TTI1: variants seen among roughly 807,000 people sequenced by gnomAD.
TTI1 encodes the protein TELO2-interacting protein 1 homolog.
TTI1 carries 52 observed loss-of-function variants against 85.4 expected under a neutral mutation model. The ratio of observed to expected loss-of-function variants is 0.61; its 90% CI spans 0.49 to 0.77. TTI1 has a LOEUF of 0.77. Ranked by LOEUF, TTI1 falls within the 30% of genes least tolerant of loss-of-function variation. The pLI, the probability that TTI1 is intolerant of heterozygous loss-of-function variation, is 0.00. For missense variants in TTI1, 1,173 were observed against 1,296.0 expected (o/e 0.91, Z 1.46); for synonymous variants, 512 against 503.9 (o/e 1.02, Z -0.22).
chr20:38,013,622 G>A lies in TTI1; in HGVS notation c.195C>T (p.Pro65=). ...PLRFTLKTPG[P]KRERLIQSVV... is the part of the protein sequence containing the mutation. ...CACTTTGGATCAAACGCTCTCTTTT[G>A]GGACCTGGGGTCTTCAGGGTAAATC... Residue 65 remains proline (P), a synonymous_variant, in exon 2 of 8, where the codon CCC becomes CCT. Coordinates refer to ENST00000373447, the MANE Select transcript of TTI1 (RefSeq NM_001303457.2). The A allele has an allele frequency of 6.2e-7, 1 of 1,614,188 alleles. No homozygotes were observed. Among genetic ancestry groups the A allele is most frequent in the Non-Finnish European group, 8.5e-7 (1 of 1,180,024 alleles).
At position 38,013,350 on chromosome 20, in the gene TTI1, G is replaced by T. The variant is rs1176815487; in HGVS notation, c.467C>A (p.Ser156Tyr). Residue 156 changes from serine to tyrosine, a missense_variant, in exon 2 of 8, where the codon TCT becomes TAT. By Grantham distance (144) the Ser-to-Tyr change is moderately radical (BLOSUM62 -2). Transcript: ENST00000373447. ...SILPRLGFAV[S>Y]LLLGLAEQEK... ...CTGTTCTGCAAGGCCTAACAGTAAA[G>T]ATACAGCAAATCCTAAACGTGGCAG... is the stretch of plus-strand genomic sequence containing the variant. The T allele has an allele frequency of 3.1e-6, 5 of 1,614,100 alleles. No homozygotes were observed. The highest frequency in any genetic ancestry group is 4.2e-6 in the Non-Finnish European group (5 of 1,180,034).
At chr20:37,991,887 A>G (rs970230823) in intron 7 of TTI1, among the ~76,000 whole-genome samples, 1 of 152,256 alleles carries the variant, frequency 6.6e-6, no homozygotes, top group Non-Finnish European at 1.5e-5. Context: ...TTCATCCACA[A>G]GCACCCTATG....
intron 1 of TTI1, among the ~76,000 whole-genome samples, chr20:38,023,243 G>A (rs2073793294): frequency 6.6e-6 from 1 of 152,154 alleles, no homozygotes; most frequent in South Asian, 2.1e-4. Flanking sequence ...TCTCAAGCCC[G>A]CCTGACTCCA....
intron 7 of TTI1, among the ~76,000 whole-genome samples, chr20:37,991,702 T>G (rs969321774): frequency 6.6e-6 from 1 of 152,252 alleles, no homozygotes; most frequent in Non-Finnish European, 1.5e-5. Flanking sequence ...ATGAGTAACA[T>G]ACACATCATG....
At chr20:37,998,271 G>A (rs551165675) in intron 5 of TTI1, among the ~76,000 whole-genome samples, 2 of 151,746 alleles carry the variant, frequency 1.3e-5, no homozygotes, top group African/African-American at 4.8e-5. Flanking sequence ...ACACACACAC[G>A]TATCATTTTG....
At position 38,013,524 on chromosome 20, in the gene TTI1, G is replaced by A. The variant is rs1600640738; in HGVS notation, c.293C>T (p.Ser98Leu). The change falls in exon 2 of 8, where the codon TCA becomes TTA. Residue 98 changes from serine to leucine, a missense_variant. By Grantham distance (145) the Ser-to-Leu change is moderately radical. Transcript: ENST00000373447. ...TGAATACAGACAAGCAGAGAGTTCTGAAAAGAGTTCCTGGAGAAGCTCCTG... is the reference window on the plus strand; with the variant it reads ...TGAATACAGACAAGCAGAGAGTTCTAAAAAGAGTTCCTGGAGAAGCTCCTG... ...KEQELLQELF[S>L]ELSACLYSPS... 1.9e-6 allele frequency: 3 copies of A among 1,614,136 alleles called. No homozygotes were observed. The highest frequency in any genetic ancestry group is 2.2e-5 in the South Asian group (2 of 91,086).
intron 1 of TTI1, among the ~76,000 whole-genome samples, chr20:38,017,404 T>TTGTGTGTGTGTGTGTGTGTG (rs66542554): frequency 1.6e-4 from 24 of 146,238 alleles, no homozygotes; most frequent in South Asian, 6.6e-4. Context: ...AATCAATAGC[T>TTGTGTGTGTGTGTGTGTGTG]TGTGTGTGTG....
chr20:37,987,970 G>A lies in TTI1; in HGVS notation c.3087-4331C>T, dbSNP rs538875639. ...GTGGGAATGGGGAGGGAGGAAACGT[G>A]CTCCTGGAATCTGGTCAGCTGGGTT... On this transcript the variant is annotated intron_variant, in intron 7 of 7. Transcript: ENST00000373447. Among the ~76,000 whole-genome samples the A allele has an allele frequency of 5.9e-5, 9 of 152,326 alleles. No homozygotes were observed. The South Asian group carries it at 1.5e-3, about 25-fold the overall frequency.
At chr20:37,985,151 A>T (rs192461922) in intron 7 of TTI1, among the ~76,000 whole-genome samples, 1 of 152,364 alleles carries the variant, frequency 6.6e-6, no homozygotes, top group East Asian at 1.9e-4. Flanking sequence ...CAGTTTCCCC[A>T]TTCCAAAAAT....
At chr20:38,016,003 G>A (rs2073676909) in intron 1 of TTI1, among the ~76,000 whole-genome samples, 1 of 152,132 alleles carries the variant, frequency 6.6e-6, no homozygotes, top group Non-Finnish European at 1.5e-5. Flanking sequence ...TAAATATGAA[G>A]AGAAAAATCA....
chr20:38,029,362 G>A (rs536386648), intron 1 of TTI1, among the ~76,000 whole-genome samples: 1 of 151,932 alleles, frequency 6.6e-6, no homozygotes. Context: ...AAGGGGAAAA[G>A]TCTCAAACGA....
intron 1 of TTI1, among the ~76,000 whole-genome samples, chr20:38,014,254 G>A (rs956440982): frequency 6.6e-6 from 1 of 152,138 alleles, no homozygotes. Flanking sequence ...TTAAAACTGA[G>A]GTATACATAT....
chr20:38,012,880 G>A lies in TTI1; in HGVS notation c.937C>T (p.Leu313Phe), dbSNP rs757824954. ...HWKVRLELVE[L>F]VEDLLLKCSQ... is the part of the protein sequence containing the mutation. ...CACTTCAAAAGAAGGTCCTCCACAAGTTCTACCAGTTCCAGTCTCACCTTC... is the reference window on the plus strand; with the variant it reads ...CACTTCAAAAGAAGGTCCTCCACAAATTCTACCAGTTCCAGTCTCACCTTC... The change falls in exon 2 of 8, where the codon CTT becomes TTT. Residue 313 changes from leucine to phenylalanine, a missense_variant. Transcript: ENST00000373447. 2.0e-5 allele frequency: 33 copies of A among 1,614,026 alleles called. No homozygotes were observed. Among genetic ancestry groups the A allele is most frequent in the Non-Finnish European group, 2.5e-5 (30 of 1,180,040 alleles).
At chr20:37,994,840 G>A (rs529666193) in intron 7 of TTI1, among the ~76,000 whole-genome samples, 16 of 152,164 alleles carry the variant, frequency 1.1e-4, no homozygotes, top group East Asian at 7.7e-4. Context: ...GTCCAATTCC[G>A]GGTTTAATTG....
At position 38,002,729 on chromosome 20, in the gene TTI1, C is replaced by T. The variant is rs1434598624; in HGVS notation, c.2551G>A (p.Asp851Asn). 1 of 1,614,266 alleles carries T rather than the reference C, an allele frequency of 6.2e-7. No homozygotes were observed. Among genetic ancestry groups the T allele is most frequent in the East Asian group, 2.2e-5 (1 of 44,892 alleles). ...PKVDENDTRP[D>N]VEPPLPLQIQ... Reference sequence around the variant, plus strand: ...TGCAATGGCAGTGGTGGCTCCACATCTGGACGGGTGTCATTCTCATCCACT... The same window carrying T: ...TGCAATGGCAGTGGTGGCTCCACATTTGGACGGGTGTCATTCTCATCCACT... The change falls in exon 4 of 8, where the codon GAT becomes AAT. Residue 851 changes from aspartate (D) to asparagine (N), a missense_variant. Physicochemically the swap from Asp to Asn is conservative, Grantham distance 23 (BLOSUM62 1). Coordinates refer to ENST00000373447, the MANE Select transcript of TTI1 (RefSeq NM_001303457.2).
chr20:37,987,937 G>C lies in TTI1; in HGVS notation c.3087-4298C>G, dbSNP rs190367160. 7.2e-5 allele frequency among the ~76,000 whole-genome samples: 11 copies of C among 152,322 alleles called. No homozygotes were observed. In the East Asian group the frequency reaches 1.5e-3, roughly 21 times the overall value. Reference sequence around the variant, plus strand: ...GGTGCCCCTAGTGAGCAAGCTGGGGGCGAGGAGGTGGGAATGGGGAGGGAG... The same window carrying C: ...GGTGCCCCTAGTGAGCAAGCTGGGGCCGAGGAGGTGGGAATGGGGAGGGAG... On this transcript the variant is annotated intron_variant, in intron 7 of 7. Transcript: ENST00000373447.
chr20:38,001,611 C>T (rs1011247369), intron 4 of TTI1, among the ~76,000 whole-genome samples: 3 of 152,184 alleles, frequency 2.0e-5, no homozygotes, highest in Non-Finnish European at 2.9e-5. Flanking sequence ...ACAACACAGG[C>T]GCTGAGATTT....
chr20:37,983,630 G>A lies in TTI1; in HGVS notation c.3096C>T (p.Leu1032=). 1 of 1,528,384 alleles carries A rather than the reference G, an allele frequency of 6.5e-7. No individual in the cohort carries two copies. The highest frequency in any genetic ancestry group is 8.8e-7 in the Non-Finnish European group (1 of 1,136,186). 94.7% of individuals were successfully genotyped at this position (1,528,384 alleles called of 1,614,324 possible). The change falls in exon 8 of 8, where the codon CTC becomes CTT. Residue 1032 remains leucine, a synonymous_variant. Coordinates refer to ENST00000373447, the MANE Select transcript of TTI1 (RefSeq NM_001303457.2). ...KLQEAARSVF[L]HLMKVDPDST... is the part of the protein sequence containing the mutation. ...AGTCTGGGTCCACCTTCATCAAGTG[G>A]AGGAAGACGCTGTGGAGAGATGGAA...
chr20:37,995,818 G>A (rs1657910291), intron 7 of TTI1, among the ~76,000 whole-genome samples: 1 of 152,190 alleles, frequency 6.6e-6, no homozygotes, highest in African/African-American at 2.4e-5. Context: ...GGCCCTTTAA[G>A]CCATTAGTCT....
Sources: gnomAD v4.1 joint callset for allele counts (sites outside exome capture counted in the v4.1 genomes callset) on GRCh38, gnomAD v4.1.1 for gene constraint, MANE v1.5 for transcripts, NCBI Gene and HGNC (gene_info 2026-07-23, HGNC 2026-07-21) for gene names.